Variants in HYCC1 observed in about 807,000 individuals in gnomAD.
The protein encoded by HYCC1 is hyccin.
At chr7:23,012,025 A>T in the HYCC1 span, among the ~76,000 whole-genome samples, 3 of 152,230 alleles carry the variant, frequency 2.0e-5, no homozygotes, top group Non-Finnish European at 4.4e-5. Flanking sequence ...CTTGTATGTT[A>T]GATAGTAAAT....
chr7:22,969,937 T>C, the HYCC1 span, among the ~76,000 whole-genome samples: 1 of 152,154 alleles, frequency 6.6e-6, no homozygotes, highest in Non-Finnish European at 1.5e-5. Context: ...GGATTGAATA[T>C]ACAGGTTTAG....
the HYCC1 span, among the ~76,000 whole-genome samples, chr7:22,993,539 T>C: frequency 6.6e-6 from 1 of 152,100 alleles, no homozygotes; most frequent in Non-Finnish European, 1.5e-5. Flanking sequence ...AAGGAACTCA[T>C]AAATTATTAA....
At chr7:22,961,381 C>A in the HYCC1 span, 2 of 933,460 alleles carry the variant, frequency 2.1e-6, no homozygotes, top group Admixed American at 3.6e-5. Context: ...GAACAAAATA[C>A]AATGAGAAAC....
the HYCC1 span, among the ~76,000 whole-genome samples, chr7:22,990,495 C>T: frequency 6.6e-6 from 1 of 152,134 alleles, no homozygotes; most frequent in African/African-American, 2.4e-5. Context: ...AATTATGTGT[C>T]ACATAAGGAC....
chr7:23,013,830 C>T, the HYCC1 span: 6 of 425,470 alleles, frequency 1.4e-5, no homozygotes, highest in Admixed American at 1.5e-4. Flanking sequence ...GTCCTGTCCT[C>T]GCCGCCGCCT....
chr7:22,971,929 G>A, the HYCC1 span, among the ~76,000 whole-genome samples: 1 of 152,266 alleles, frequency 6.6e-6, no homozygotes, highest in Non-Finnish European at 1.5e-5. Context: ...GTTGGGTTGT[G>A]AAGGATGGGC....
chr7:22,967,028 G>A, the HYCC1 span, among the ~76,000 whole-genome samples: 1 of 152,294 alleles, frequency 6.6e-6, no homozygotes, highest in Admixed American at 6.5e-5. Context: ...TTATGATAGG[G>A]ATGATTGTAT....
the HYCC1 span, among the ~76,000 whole-genome samples, chr7:22,910,183 T>C: frequency 4.6e-5 from 7 of 152,232 alleles, no homozygotes; most frequent in African/African-American, 1.7e-4. Flanking sequence ...TCCTCAATGT[T>C]GGAGGTGGCG....
At chr7:22,911,155 C>T in the HYCC1 span, among the ~76,000 whole-genome samples, 15 of 152,254 alleles carry the variant, frequency 9.9e-5, no homozygotes, top group East Asian at 2.9e-3. Context: ...TGTATGATAG[C>T]ATCTGGGGAC....
chr7:22,942,567 T>C, the HYCC1 span: 1 of 152,060 alleles, frequency 6.6e-6, no homozygotes, highest in Non-Finnish European at 1.5e-5. Flanking sequence ...ATGTGAGAGG[T>C]TGGGTGATTT....
the HYCC1 span, among the ~76,000 whole-genome samples, chr7:22,912,251 A>G: frequency 1.3e-5 from 2 of 152,240 alleles, no homozygotes; most frequent in African/African-American, 4.8e-5. Context: ...GTGGAATTTG[A>G]GTCATGACCC....
At chr7:22,910,401 C>A in the HYCC1 span, among the ~76,000 whole-genome samples, 8 of 152,180 alleles carry the variant, frequency 5.3e-5, no homozygotes, top group African/African-American at 1.9e-4. Flanking sequence ...TTTCCTGAGG[C>A]CTCACCAGAA....
chr7:22,922,505 G>A, the HYCC1 span, among the ~76,000 whole-genome samples: 1 of 152,220 alleles, frequency 6.6e-6, no homozygotes, highest in East Asian at 1.9e-4. Context: ...GGCATCACAA[G>A]AGAGTACTGT....
the HYCC1 span, chr7:22,991,027 A>G: frequency 9.1e-5 from 132 of 1,443,300 alleles, no homozygotes; most frequent in Non-Finnish European, 1.2e-4. Flanking sequence ...ACTTCCTTGG[A>G]ATATAATTAC....
chr7:22,915,201 C>T, the HYCC1 span, among the ~76,000 whole-genome samples: 1 of 152,132 alleles, frequency 6.6e-6, no homozygotes, highest in African/African-American at 2.4e-5. Context: ...CAGATTCCGG[C>T]CCTCAAACCC....
At chr7:23,012,967 C>T in the HYCC1 span, among the ~76,000 whole-genome samples, 1 of 152,164 alleles carries the variant, frequency 6.6e-6, no homozygotes, top group Admixed American at 6.5e-5. Context: ...AAGTAGCTGC[C>T]GGTGGAACAA....
chr7:22,926,980 T>C, the HYCC1 span, among the ~76,000 whole-genome samples: 1 of 152,146 alleles, frequency 6.6e-6, no homozygotes, highest in Non-Finnish European at 1.5e-5. Flanking sequence ...TATAACAAAC[T>C]GTCTCTCAGA....
At chr7:22,930,747 CAT>C in the HYCC1 span, among the ~76,000 whole-genome samples, 1 of 151,934 alleles carries the variant, frequency 6.6e-6, no homozygotes, top group Non-Finnish European at 1.5e-5. Flanking sequence ...ATCAAAGAAA[CAT>C]AAAAAGAATT....
chr7:22,979,615 T>C, the HYCC1 span, among the ~76,000 whole-genome samples: 2 of 152,200 alleles, frequency 1.3e-5, no homozygotes, highest in African/African-American at 2.4e-5. Flanking sequence ...CCCACATCAA[T>C]AATCTTGAAT....
Sources: gnomAD v4.1 joint callset for allele counts (sites outside exome capture counted in the v4.1 genomes callset) on GRCh38, gnomAD v4.1.1 for gene constraint, MANE v1.5 for transcripts, NCBI Gene and HGNC (gene_info 2026-07-23, HGNC 2026-07-21) for gene names.